Variants in HMMR observed in about 807,000 individuals in gnomAD.
HMMR encodes intracellular hyaluronic acid-binding protein.
Under a neutral mutation model 101.0 loss-of-function variants are expected in HMMR, and 108 were observed. That is an observed-to-expected ratio of 1.07 (90% CI 0.92 to 1.25). The LOEUF is 1.25. Ranked by LOEUF, HMMR falls within the 50% of genes most tolerant of loss-of-function variation. The pLI is 0.00. For synonymous variants in HMMR, 296 were observed against 276.4 expected (o/e 1.07, Z -0.70); for missense variants, 813 against 788.7 (o/e 1.03, Z -0.37).
chr5:163,488,689 T>TC (rs1759570275), intron 16 of HMMR, among the ~76,000 whole-genome samples: 1 of 152,228 alleles, frequency 6.6e-6, no homozygotes, highest in Non-Finnish European at 1.5e-5. Flanking sequence ...GTGAACATAG[T>TC]GACTGTAAAC....
intron 4 of HMMR, 55 bp downstream of exon 4, chr5:163,467,803 C>T: frequency 9.1e-7 from 1 of 1,101,760 alleles, no homozygotes. Flanking sequence ...GAGAGTTACA[C>T]AGATTTAAGA....
chr5:163,488,342 C>T (rs550542794), intron 16 of HMMR, among the ~76,000 whole-genome samples: 8 of 152,028 alleles, frequency 5.3e-5, no homozygotes, highest in East Asian at 1.9e-4. Context: ...ATCCAACATC[C>T]GATTACTCTC....
intron 3 of HMMR, among the ~76,000 whole-genome samples, chr5:163,465,475 C>T (rs981042834): frequency 6.6e-6 from 1 of 152,160 alleles, no homozygotes. Flanking sequence ...GCTGGGATTA[C>T]AGGCACGCCC....
intron 4 of HMMR, among the ~76,000 whole-genome samples, chr5:163,468,842 G>T (rs1164119442): frequency 6.6e-6 from 1 of 151,762 alleles, no homozygotes; most frequent in Non-Finnish European, 1.5e-5. Context: ...TTGTCTTTTG[G>T]CTTCCACATT....
intron 10 of HMMR, chr5:163,474,537 A>G (rs1243269245): frequency 4.3e-6 from 2 of 460,272 alleles, no homozygotes; most frequent in Non-Finnish European, 8.7e-6. Flanking sequence ...GAAGAAACAA[A>G]GCAATTTTTA....
rs758944170 is a variant in HMMR at position 163,482,674 on chromosome 5, A to T, written c.1418A>T (p.Asp473Val). The T allele has an allele frequency of 5.6e-6, 9 of 1,612,580 alleles. No homozygotes were observed. Among genetic ancestry groups the T allele is most frequent in the Non-Finnish European group, 7.6e-6 (9 of 1,178,574 alleles). The part of the protein sequence containing the change: ...YKALTASEIE[D>V]LKLENSSLQE... ...GCGTTAACAGCCAGTGAGATAGAAG[A>T]TCTTAAGCTGGAGAACTCATCATTA... Residue 473 changes from aspartate to valine, a missense_variant, in exon 13 of 18, where the codon GAT becomes GTT. Coordinates refer to ENST00000393915, the MANE Select transcript of HMMR (RefSeq NM_001142556.2).
intron 7 of HMMR, among the ~76,000 whole-genome samples, chr5:163,472,259 G>T (rs1025457818): frequency 6.6e-6 from 1 of 151,998 alleles, no homozygotes; most frequent in Admixed American, 6.5e-5. Flanking sequence ...AATTTTTCAA[G>T]ATTCATCCAA....
intron 11 of HMMR, among the ~76,000 whole-genome samples, chr5:163,476,963 G>A (rs1347947295): frequency 6.6e-6 from 1 of 152,052 alleles, no homozygotes; most frequent in Non-Finnish European, 1.5e-5. Context: ...CCCAGGAGGC[G>A]GAGGTTGTGG....
rs41275323 is a variant in HMMR at position 163,473,151 on chromosome 5, G to A, written c.651-28G>A. 7.9e-3 allele frequency: 8,947 copies of A among 1,132,950 alleles called. 54 individuals carry two copies. The highest frequency in any genetic ancestry group is 0.011 in the Non-Finnish European group (8,116 of 752,806). 70.2% of individuals were successfully genotyped at this position (1,132,950 alleles called of 1,614,324 possible). ...GATTATTAAATAACGAAACTAGAATGTATTAACATATGCAATTTTTGTTTT... is the reference window on the plus strand; with the variant it reads ...GATTATTAAATAACGAAACTAGAATATATTAACATATGCAATTTTTGTTTT... On this transcript the variant is annotated intron_variant, in intron 7 of 17. Transcript: ENST00000393915.
chr5:163,471,314 G>C, intron 6 of HMMR, 43 bp downstream of exon 6: 1 of 1,605,458 alleles, frequency 6.2e-7, no homozygotes, highest in Non-Finnish European at 8.5e-7. Flanking sequence ...TGGATCTGGG[G>C]ATCAGTACAA....
intron 7 of HMMR, among the ~76,000 whole-genome samples, chr5:163,471,696 A>C (rs1758896608): frequency 6.6e-6 from 1 of 152,182 alleles, no homozygotes; most frequent in Admixed American, 6.5e-5. Flanking sequence ...TGTATTATTA[A>C]TGATGAGGAA....
At chr5:163,461,018 G>A (rs187340584) in intron 1 of HMMR, among the ~76,000 whole-genome samples, 2 of 152,310 alleles carry the variant, frequency 1.3e-5, no homozygotes, top group East Asian at 1.9e-4. Flanking sequence ...CTACAGCAGG[G>A]CGAAGGGAAT....
rs1252726826 is a variant in HMMR, at chr5:163,485,492, G to A, written c.1962+1247G>A. ...GTATATCTTCATGAAAGAAATGTCTGTTTATACTCTGCTCATTTTTAAATT... is the reference window on the plus strand; with the variant it reads ...GTATATCTTCATGAAAGAAATGTCTATTTATACTCTGCTCATTTTTAAATT... On this transcript the variant is annotated intron_variant, in intron 16 of 17. Coordinates refer to ENST00000393915, the MANE Select transcript of HMMR (RefSeq NM_001142556.2). Among the ~76,000 whole-genome samples, 3 of 152,084 alleles carry A rather than the reference G, an allele frequency of 2.0e-5. No individual in the cohort carries two copies. The East Asian group carries it at 5.8e-4, about 29-fold the overall frequency.
At chr5:163,483,970 CATTTGTGTTTTT>C in intron 15 of HMMR, 87 bp from the exon 16 acceptor site, 1 of 653,456 alleles carries the variant, frequency 1.5e-6, no homozygotes, top group Non-Finnish European at 2.6e-6. Flanking sequence ...ACCTTGTTTT[CATTTGTGTTTTT>C]AATTTTCTTT....
intron 16 of HMMR, among the ~76,000 whole-genome samples, chr5:163,487,136 T>G (rs536867893): frequency 1.3e-5 from 2 of 152,358 alleles, no homozygotes; most frequent in African/African-American, 4.8e-5. Context: ...TTTCCTAGTT[T>G]GTTGAGCATT....
At chr5:163,470,547 C>T (rs574836790) in intron 5 of HMMR, among the ~76,000 whole-genome samples, 105 of 152,168 alleles carry the variant, frequency 6.9e-4, no homozygotes, top group African/African-American at 1.9e-3. Flanking sequence ...AGCTTGAACT[C>T]GGGAGGCTGA....
chr5:163,491,308 CAA>C lies in HMMR; in HGVS notation c.*146_*147del. 1 of 521,600 alleles carries C rather than the reference CAA, an allele frequency of 1.9e-6. No homozygotes were observed. 32.3% of individuals were successfully genotyped at this position (521,600 alleles called of 1,614,324 possible). A position where few individuals can be genotyped will look rare whatever the true frequency, so the allele number is the denominator to read the frequency against. On this transcript the variant is annotated 3_prime_UTR_variant, in exon 18 of 18. Coordinates refer to ENST00000393915, the MANE Select transcript of HMMR (RefSeq NM_001142556.2). Reference sequence around the variant, plus strand: ...AATATGTGAAAGGAACATTTTTTACCAAAGTGTCTTTTGACATTTTATTTTTT... The same window carrying C: ...AATATGTGAAAGGAACATTTTTTACCAGTGTCTTTTGACATTTTATTTTTT...
intron 5 of HMMR, among the ~76,000 whole-genome samples, chr5:163,470,796 C>A (rs1758860980): frequency 6.6e-6 from 1 of 152,018 alleles, no homozygotes; most frequent in Non-Finnish European, 1.5e-5. Flanking sequence ...TTGAGACCAG[C>A]CTGGGCAACA....
chr5:163,490,439 C>G lies in HMMR; in HGVS notation c.2012C>G (p.Thr671Arg), dbSNP rs1398877360. The G allele has an allele frequency of 1.3e-6, 2 of 1,596,766 alleles. No homozygotes were observed. The highest frequency in any genetic ancestry group is 8.5e-7 in the Non-Finnish European group (1 of 1,172,960). ...CTTGCTAAAAAAAAACAAAGTGAGA[C>G]AAAACTTCAAGAGGAATTGAATAAA... ...CQLAKKKQSE[T>R]KLQEELNKVL... The change falls in exon 17 of 18, where the codon ACA (threonine) becomes AGA (arginine). Residue 671 changes from threonine (T) to arginine (R), a missense_variant. Transcript: ENST00000393915.
Sources: allele counts gnomAD v4.1 joint callset (sites outside exome capture counted in the v4.1 genomes callset), GRCh38; gene constraint gnomAD v4.1.1; transcripts MANE v1.5; gene names NCBI Gene and HGNC (gene_info 2026-07-23, HGNC 2026-07-21).